GSE1: variants seen among roughly 807,000 people sequenced by gnomAD.
The protein encoded by GSE1 is Gse1 coiled-coil protein, also known as genetic suppressor element 1.
In GSE1, 32 loss-of-function variants were observed where a neutral mutation model predicts 112.6. The ratio of observed to expected loss-of-function variants is 0.28; its 90% CI spans 0.21 to 0.38. The LOEUF is 0.38. GSE1 is among the 10% of genes least tolerant of loss of function. The probability of loss-of-function intolerance (pLI) is 1.00; values close to 1 mark genes in which losing one functional copy is unlikely to be tolerated. For missense variants in GSE1, 2,348 were observed against 1,699.2 expected, an observed-to-expected ratio of 1.38 and a Z score of -6.71; for synonymous variants, 1,115 against 735.6, an observed-to-expected ratio of 1.52 and a Z score of -8.35.
chr16:85,272,502 G>T (rs1313969183), intron 1 of GSE1, among the ~76,000 whole-genome samples: 2 of 152,140 alleles, frequency 1.3e-5, no homozygotes, highest in African/African-American at 4.8e-5. Context: ...GCCATAGGTG[G>T]CATTCTCCTA....
intron 1 of GSE1, among the ~76,000 whole-genome samples, chr16:85,351,597 T>C (rs2046851779): frequency 6.6e-6 from 1 of 152,200 alleles, no homozygotes; most frequent in African/African-American, 2.4e-5. Context: ...ATGGTGGTAA[T>C]GGTTACACAG....
intron 2 of GSE1, among the ~76,000 whole-genome samples, chr16:85,476,612 C>T (rs767385233): frequency 5.3e-5 from 8 of 151,258 alleles, no homozygotes; most frequent in Non-Finnish European, 1.0e-4. Flanking sequence ...CCTGGCTGAC[C>T]CACTGTGATG....
At chr16:85,198,406 A>G (rs2074968542) in intron 1 of GSE1, among the ~76,000 whole-genome samples, 1 of 152,146 alleles carries the variant, frequency 6.6e-6, no homozygotes, top group Admixed American at 6.5e-5. Context: ...TTGTCCTTGG[A>G]CAGGGTGGGG....
chr16:85,667,102 C>G (rs145807693), intron 13 of GSE1, among the ~76,000 whole-genome samples: 4 of 152,222 alleles, frequency 2.6e-5, no homozygotes, highest in Non-Finnish European at 5.9e-5. Flanking sequence ...AGCCAGTTCT[C>G]CATGACAGAT....
At chr16:85,445,434 C>T (rs1438350269) in intron 2 of GSE1, among the ~76,000 whole-genome samples, 1 of 152,182 alleles carries the variant, frequency 6.6e-6, no homozygotes, top group African/African-American at 2.4e-5. Flanking sequence ...CGGCCACGCA[C>T]AGCGAGGGGG....
intron 1 of GSE1, among the ~76,000 whole-genome samples, chr16:85,235,982 G>A (rs1162919983): frequency 6.6e-6 from 1 of 151,928 alleles, no homozygotes; most frequent in African/African-American, 2.4e-5. Flanking sequence ...CCGGGCCTGG[G>A]CCTGGGCCTG....
At chr16:85,363,163 A>G (rs1387881844) in intron 2 of GSE1, among the ~76,000 whole-genome samples, 4 of 152,200 alleles carry the variant, frequency 2.6e-5, no homozygotes, top group African/African-American at 9.6e-5. Flanking sequence ...CAGATAGCAG[A>G]TGCCACAGAC....
chr16:85,515,617 G>C (rs1429783112), intron 2 of GSE1, among the ~76,000 whole-genome samples: 2 of 151,596 alleles, frequency 1.3e-5, no homozygotes, highest in Non-Finnish European at 2.9e-5. Flanking sequence ...TCTGTGTGGG[G>C]GGAGATCGCC....
rs111292010 is a variant in GSE1, at chr16:85,260,319, C to CTTTTTTTTTTTTTTTT, written c.2283+88519_2283+88534dup. ...TATTTTTCCTTTTTCTTTTTCTTTTCTTTTTTTTTTTTTTTTTTTTTTGAG... is the reference window on the plus strand; with the variant it reads ...TATTTTTCCTTTTTCTTTTTCTTTTCTTTTTTTTTTTTTTTTTTTTTTTTTTTTTTTTTTTTTTGAG... On this transcript the variant is annotated intron_variant, in intron 1 of 2. Coordinates refer to the GSE1 transcript ENST00000637419. Among the ~76,000 whole-genome samples the CTTTTTTTTTTTTTTTT allele has an allele frequency of 2.8e-4, 27 of 94,864 alleles. 3 individuals are homozygous for CTTTTTTTTTTTTTTTT. Among genetic ancestry groups the CTTTTTTTTTTTTTTTT allele is most frequent in the South Asian group, 4.0e-4 (1 of 2,498 alleles). 62.2% of individuals were successfully genotyped at this position (94,864 alleles called of 152,430 possible). A position where few individuals can be genotyped will look rare whatever the true frequency, so the allele number is the denominator to read the frequency against.
At chr16:85,242,726 G>T (rs1905261742) in intron 1 of GSE1, among the ~76,000 whole-genome samples, 1 of 152,196 alleles carries the variant, frequency 6.6e-6, no homozygotes, top group African/African-American at 2.4e-5. Flanking sequence ...TGGGGATTCT[G>T]ATGTAATTGG....
chr16:85,244,166 A>C (rs1905396130), intron 1 of GSE1, among the ~76,000 whole-genome samples: 1 of 152,154 alleles, frequency 6.6e-6, no homozygotes, highest in African/African-American at 2.4e-5. Context: ...AGGTGGAATT[A>C]AGGCTGTGAA....
At chr16:85,448,446 T>A (rs1053765578) in intron 2 of GSE1, among the ~76,000 whole-genome samples, 1 of 152,194 alleles carries the variant, frequency 6.6e-6, no homozygotes, top group African/African-American at 2.4e-5. Flanking sequence ...GAGTGCTTGC[T>A]GAGTGCCTAC....
chr16:85,615,724 TG>T (rs2048329433), intron 1 of GSE1, among the ~76,000 whole-genome samples: 1 of 152,224 alleles, frequency 6.6e-6, no homozygotes, highest in African/African-American at 2.4e-5. Context: ...TTTAGGATCT[TG>T]GAGTGTCAGA....
intron 2 of GSE1, among the ~76,000 whole-genome samples, chr16:85,543,851 A>T (rs1174937939): frequency 6.6e-6 from 1 of 152,130 alleles, no homozygotes; most frequent in African/African-American, 2.4e-5. Flanking sequence ...ACTTGTTTCT[A>T]ATTTGAGACA....
chr16:85,568,564 T>C (rs923683306), intron 1 of GSE1, among the ~76,000 whole-genome samples: 1 of 152,218 alleles, frequency 6.6e-6, no homozygotes, highest in Non-Finnish European at 1.5e-5. Flanking sequence ...GATAGGCTCA[T>C]GAATATTCAT....
chr16:85,183,953 C>T (rs73260324), intron 1 of GSE1, among the ~76,000 whole-genome samples: 1 of 152,146 alleles, frequency 6.6e-6, no homozygotes, highest in African/African-American at 2.4e-5. Context: ...CTGCACAGAC[C>T]AAGCTCCCAG....
At chr16:85,295,320 G>C (rs1045657602) in intron 1 of GSE1, among the ~76,000 whole-genome samples, 1 of 152,168 alleles carries the variant, frequency 6.6e-6, no homozygotes, top group African/African-American at 2.4e-5. Flanking sequence ...ACCAGCCTGG[G>C]GCGAAACCCT....
At chr16:85,668,974 G>T (rs1180494873) in intron 14 of GSE1, among the ~76,000 whole-genome samples, 1 of 152,264 alleles carries the variant, frequency 6.6e-6, no homozygotes, top group African/African-American at 2.4e-5. Context: ...TACCCAGGAT[G>T]TTTTGATCCC....
At chr16:85,347,115 G>A (rs1164060573) in intron 1 of GSE1, among the ~76,000 whole-genome samples, 1 of 152,114 alleles carries the variant, frequency 6.6e-6, no homozygotes, top group Non-Finnish European at 1.5e-5. Flanking sequence ...TGAGAGCTGT[G>A]GCTGGCAGGG....
Sources: allele counts gnomAD v4.1 joint callset (sites outside exome capture counted in the v4.1 genomes callset), GRCh38; gene constraint gnomAD v4.1.1; transcripts MANE v1.5; gene names NCBI Gene and HGNC (gene_info 2026-07-23, HGNC 2026-07-21).